EYA4: variants seen among roughly 807,000 people sequenced by gnomAD.
EYA4 encodes the protein EYA transcriptional coactivator and phosphatase 4.
EYA4 carries 31 observed loss-of-function variants against 87.9 expected under a neutral mutation model. That is an observed-to-expected ratio of 0.35 (90% confidence interval 0.27 to 0.48). The LOEUF (loss-of-function observed/expected upper bound fraction) is 0.48. Ranked by LOEUF, EYA4 falls within the 20% of genes least tolerant of loss-of-function variation. The pLI, the probability that EYA4 is intolerant of heterozygous loss-of-function variation, is 0.99. For missense variants in EYA4, 678 were observed against 761.4 expected, an observed-to-expected ratio of 0.89 and a Z score of 1.29; for synonymous variants, 263 against 270.6, an observed-to-expected ratio of 0.97 and a Z score of 0.28.
rs369535659 is a variant in EYA4 at position 133,299,210 on chromosome 6, C to T, written c.33+24397C>T. ...AGTCACTTAGGAAAATGATGAACCACGTGTGTGCAATAATGTGTGCAATTT... is the reference window on the plus strand; with the variant it reads ...AGTCACTTAGGAAAATGATGAACCATGTGTGTGCAATAATGTGTGCAATTT... On this transcript the variant is annotated intron_variant, in intron 2 of 19. Transcript: ENST00000355286. Among the ~76,000 whole-genome samples the T allele has an allele frequency of 3.1e-4, 47 of 152,190 alleles. No homozygotes were observed. The South Asian group carries it at 8.7e-3, about 28-fold the overall frequency.
At chr6:133,494,390 G>A (rs1562485730) in intron 13 of EYA4, among the ~76,000 whole-genome samples, 2 of 152,258 alleles carry the variant, frequency 1.3e-5, no homozygotes, top group East Asian at 3.9e-4. Context: ...TAGAACAATG[G>A]TTACTAGAGG....
At chr6:133,459,212 G>C (rs1367752919) in intron 6 of EYA4, among the ~76,000 whole-genome samples, 1 of 152,074 alleles carries the variant, frequency 6.6e-6, no homozygotes, top group Non-Finnish European at 1.5e-5. Context: ...AAGGTTTTCT[G>C]TTCTATTTAG....
chr6:133,406,025 C>T (rs72999789), intron 3 of EYA4, among the ~76,000 whole-genome samples: 2 of 23,330 alleles, frequency 8.6e-5, no homozygotes, highest in Admixed American at 2.7e-4. Context: ...TATCTATCTA[C>T]CTACCTACCT....
chr6:133,499,067 T>C (rs532772316), intron 13 of EYA4, among the ~76,000 whole-genome samples: 1 of 152,318 alleles, frequency 6.6e-6, no homozygotes, highest in South Asian at 2.1e-4. Context: ...GTAACTAATC[T>C]CTTAAAAACA....
chr6:133,505,411 A>G (rs1213182560), intron 13 of EYA4, among the ~76,000 whole-genome samples: 1 of 152,086 alleles, frequency 6.6e-6, no homozygotes, highest in African/African-American at 2.4e-5. Context: ...TCACTTCCCA[A>G]AGCATATATT....
At chr6:133,477,225 C>T (rs914762358) in intron 11 of EYA4, among the ~76,000 whole-genome samples, 4 of 152,058 alleles carry the variant, frequency 2.6e-5, no homozygotes, top group Non-Finnish European at 5.9e-5. Flanking sequence ...TGCTAATTTA[C>T]ACCCCCACCA....
intron 2 of EYA4, among the ~76,000 whole-genome samples, chr6:133,353,991 A>T (rs1783828627): frequency 6.6e-6 from 1 of 152,164 alleles, no homozygotes; most frequent in African/African-American, 2.4e-5. Context: ...TACTCATGTG[A>T]GGGAAGGTGG....
At chr6:133,292,901 G>A (rs777253866) in intron 2 of EYA4, among the ~76,000 whole-genome samples, 11 of 152,160 alleles carry the variant, frequency 7.2e-5, no homozygotes, top group Non-Finnish European at 1.3e-4. Context: ...TTTCATAGAT[G>A]TAATTAGAGT....
chr6:133,329,117 C>G (rs186031905), intron 2 of EYA4, among the ~76,000 whole-genome samples: 1 of 152,170 alleles, frequency 6.6e-6, no homozygotes, highest in East Asian at 1.9e-4. Flanking sequence ...GTACATTTCT[C>G]TGGTGTCAAC....
chr6:133,368,284 C>G (rs1785004771), intron 2 of EYA4, among the ~76,000 whole-genome samples: 1 of 152,040 alleles, frequency 6.6e-6, no homozygotes, highest in African/African-American at 2.4e-5. Context: ...TTGTTCCTAC[C>G]TCGCCCCGCT....
chr6:133,500,044 A>T (rs1456969152), intron 13 of EYA4, among the ~76,000 whole-genome samples: 2 of 150,444 alleles, frequency 1.3e-5, no homozygotes, highest in Non-Finnish European at 1.5e-5. Flanking sequence ...GGCAAACTAG[A>T]TCTGGGGAAG....
intron 5 of EYA4, among the ~76,000 whole-genome samples, chr6:133,448,562 A>C (rs558921839): frequency 1.3e-5 from 2 of 152,186 alleles, no homozygotes; most frequent in Non-Finnish European, 2.9e-5. Context: ...TAACCCACAG[A>C]CTTTCATAAT....
intron 2 of EYA4, among the ~76,000 whole-genome samples, chr6:133,321,926 A>G (rs777322046): frequency 6.6e-6 from 1 of 152,182 alleles, no homozygotes; most frequent in African/African-American, 2.4e-5. Flanking sequence ...CCGAGGGCCC[A>G]TGGTCTCTCC....
chr6:133,392,399 A>G (rs1787378486), intron 3 of EYA4, among the ~76,000 whole-genome samples: 1 of 152,182 alleles, frequency 6.6e-6, no homozygotes. Flanking sequence ...GCCCAGATTT[A>G]AAACTTGGCA....
In EYA4 at chr6:133,528,713, C is replaced by T. The variant is rs1800830480; in HGVS notation, c.1840-12C>T. 6.3e-7 allele frequency: 1 copy of T among 1,599,236 alleles called. No homozygotes were observed. Among genetic ancestry groups the T allele is most frequent in the Non-Finnish European group, 8.6e-7 (1 of 1,166,692 alleles). On this transcript the variant is annotated splice_polypyrimidine_tract_variant and intron_variant, in intron 19 of 19. Transcript: ENST00000355286. ...CTTCTCTCTCCCATCCCTCCTTCTC[C>T]TAACCACACAGCACAACATGCCCTT...
intron 1 of EYA4, among the ~76,000 whole-genome samples, chr6:133,255,077 G>A (rs574504758): frequency 9.1e-4 from 138 of 152,266 alleles, no homozygotes; most frequent in African/African-American, 3.0e-3. Flanking sequence ...AACAGTACTC[G>A]CCTCATGGAG....
chr6:133,439,319 C>A (rs1792039274), intron 3 of EYA4: 2 of 152,178 alleles, frequency 1.3e-5, no homozygotes, highest in African/African-American at 2.4e-5. Flanking sequence ...TTCACCTTGT[C>A]ACACTCACAT....
intron 3 of EYA4, among the ~76,000 whole-genome samples, chr6:133,428,299 C>A (rs1438620500): frequency 1.3e-5 from 2 of 152,056 alleles, no homozygotes; most frequent in Admixed American, 6.5e-5. Context: ...GGAATTTCCC[C>A]AGAAGGGTGC....
chr6:133,346,255 T>A (rs976854980), intron 2 of EYA4, among the ~76,000 whole-genome samples: 2 of 152,218 alleles, frequency 1.3e-5, no homozygotes, highest in African/African-American at 4.8e-5. Context: ...ATAAATTTAA[T>A]TTTGGTCAGA....
Sources: allele counts gnomAD v4.1 joint callset (sites outside exome capture counted in the v4.1 genomes callset), GRCh38; gene constraint gnomAD v4.1.1; transcripts MANE v1.5; gene names NCBI Gene and HGNC (gene_info 2026-07-23, HGNC 2026-07-21).